The following ATP12A variants were observed in gnomAD, a reference collection of about 807,000 sequenced individuals.
ATP12A encodes the protein ATPase H+/K+ transporting non-gastric alpha2 subunit, also known as potassium-transporting ATPase alpha chain 2.
A neutral mutation model predicts 111.2 loss-of-function variants in ATP12A; 81 were observed. That is an observed-to-expected ratio of 0.73 (90% CI 0.61 to 0.88). The LOEUF (loss-of-function observed/expected upper bound fraction) is 0.88, where lower values mean the gene tolerates loss of function less well. Among genes scored for constraint, ATP12A ranks in the 40% least tolerant of loss-of-function variants. The probability of loss-of-function intolerance (pLI) is 0.00; values close to 1 mark genes in which losing one functional copy is unlikely to be tolerated. For missense variants in ATP12A, 1,196 were observed against 1,313.1 expected, an observed-to-expected ratio of 0.91 and a Z score of 1.38; for synonymous variants, 498 against 499.8, an observed-to-expected ratio of 1.00 and a Z score of 0.05.
intron 5 of ATP12A, among the ~76,000 whole-genome samples, chr13:24,689,689 A>T (rs534398898): frequency 6.6e-6 from 1 of 152,296 alleles, no homozygotes; most frequent in East Asian, 1.9e-4. Flanking sequence ...CTGGCAGCCA[A>T]GGAGACCAGC....
intron 13 of ATP12A, among the ~76,000 whole-genome samples, 157 bp from the exon 14 acceptor site, chr13:24,701,778 T>A (rs1217152738): frequency 6.6e-6 from 1 of 152,172 alleles, no homozygotes; most frequent in Non-Finnish European, 1.5e-5. Context: ...GATTAGTGTT[T>A]CCTCCAAAGA....
chr13:24,692,702 G>A (rs1593135628), intron 9 of ATP12A, 75 bp downstream of exon 9: 2 of 1,598,324 alleles, frequency 1.3e-6, no homozygotes, highest in South Asian at 1.1e-5. Flanking sequence ...ACACAGCAGG[G>A]TCTGCAGCCA....
In ATP12A at chr13:24,700,917, A is replaced by C. The variant is rs759444596; in HGVS notation, c.1876A>C (p.Ile626Leu). Reference sequence around the variant, plus strand: ...AGTCACCAAATGCCGGAGTGCAGGGATCAAGGTGGGAGTTATTTTCCTGAC... The same window carrying C: ...AGTCACCAAATGCCGGAGTGCAGGGCTCAAGGTGGGAGTTATTTTCCTGAC... ...DAVTKCRSAG[I>L]KVIMVTGDHP... The change falls in exon 13 of 23, where the codon ATC becomes CTC. Residue 626 changes from isoleucine (I) to leucine (L), a missense_variant. Transcript: ENST00000381946. 1 of 1,613,528 alleles carries C rather than the reference A, an allele frequency of 6.2e-7. No individual in the cohort carries two copies. Among genetic ancestry groups the C allele is most frequent in the Non-Finnish European group, 8.5e-7 (1 of 1,179,742 alleles).
chr13:24,711,686 C>T lies in ATP12A; in HGVS notation c.*164C>T. 1.1e-6 allele frequency: 1 copy of T among 871,772 alleles called. No individual in the cohort carries two copies. The highest frequency in any genetic ancestry group is 1.7e-6 in the Non-Finnish European group (1 of 571,870). 54.0% of individuals were successfully genotyped at this position (871,772 alleles called of 1,614,324 possible). On this transcript the variant is annotated 3_prime_UTR_variant, in exon 23 of 23. Coordinates refer to ENST00000381946, the MANE Select transcript of ATP12A (RefSeq NM_001676.7). ...ATGCAGGATGCTCACTGATGTTTTG[C>T]ACTTTAAAACTGAAATTCAACTCTT...
intron 13 of ATP12A, among the ~76,000 whole-genome samples, chr13:24,701,501 C>CAAAA (rs10586421): frequency 3.7e-4 from 37 of 100,854 alleles, no homozygotes; most frequent in Non-Finnish European, 5.5e-4. Flanking sequence ...AACTCTGTCT[C>CAAAA]AAAAAAAAAA....
Position 24,688,353 on chromosome 13 carries a change from C to A in ATP12A, c.263C>A (p.Ala88Asp), listed in dbSNP as rs759218703. The A allele has an allele frequency of 6.2e-7, 1 of 1,613,930 alleles. No homozygotes were observed. Among genetic ancestry groups the A allele is most frequent in the South Asian group, 1.1e-5 (1 of 91,018 alleles). The change falls in exon 4 of 23, where the codon GCC (alanine) becomes GAC (aspartate). Residue 88 changes from alanine to aspartate, a missense_variant. Ala to Asp is a moderately radical substitution (Grantham distance 126, BLOSUM62 -2). This residue lies in a region of ATP12A where 1,126 missense variants were observed against 1,228.5 expected (regional missense o/e 0.92). Coordinates refer to ENST00000381946, the MANE Select transcript of ATP12A (RefSeq NM_001676.7). The part of the protein sequence containing the change: ...LSSTRAAELL[A>D]RDGPNSLTPP... ...AGCACCAGAGCTGCCGAGCTCCTGG[C>A]CCGGGATGGGCCCAACTCCCTCACC...
Position 24,702,028 on chromosome 13 carries a change from A to C in ATP12A, c.1975A>C (p.Ile659Leu). 6.2e-7 allele frequency: 1 copy of C among 1,614,254 alleles called. No homozygotes were observed. Among genetic ancestry groups the C allele is most frequent in the Non-Finnish European group, 8.5e-7 (1 of 1,180,050 alleles). Reference sequence around the variant, plus strand: ...AGCCAACAGTGAAACAGTGGAAGACATTGCACATCGCCTCAACATTGCTGT... The same window carrying C: ...AGCCAACAGTGAAACAGTGGAAGACCTTGCACATCGCCTCAACATTGCTGT... Reference protein sequence around the residue: ...ISANSETVEDIAHRLNIAVEQ... With the variant: ...ISANSETVEDLAHRLNIAVEQ... The change falls in exon 14 of 23, where the codon ATT (isoleucine) becomes CTT (leucine). Residue 659 changes from isoleucine (I) to leucine (L), a missense_variant. Physicochemically the swap from Ile to Leu is conservative, Grantham distance 5 (BLOSUM62 2). This residue lies in a region of ATP12A where 1,126 missense variants were observed against 1,228.5 expected (regional missense o/e 0.92). Coordinates refer to ENST00000381946, the MANE Select transcript of ATP12A (RefSeq NM_001676.7).
chr13:24,696,718 CAAAAAAAAAAAA>C (rs1199522203), intron 11 of ATP12A, among the ~76,000 whole-genome samples: 4,517 of 33,050 alleles, frequency 0.14, 839 homozygotes, highest in East Asian at 0.68. Flanking sequence ...GACTCCGTCT[CAAAAAAAAAAAA>C]AAAAAAAAAA....
chr13:24,698,249 G>A (rs936726900), intron 11 of ATP12A, among the ~76,000 whole-genome samples: 5 of 151,972 alleles, frequency 3.3e-5, no homozygotes, highest in African/African-American at 1.2e-4. Context: ...AATTCCTGTC[G>A]CCTCCTCCCC....
At position 24,683,859 on chromosome 13, in the gene ATP12A, A is replaced by T. The variant is rs534168226; in HGVS notation, c.169-1455A>T. ...AAGACATATCTGTTTTTCCCTTGACATTACAAGGGTCCTGTAATTTTCAGC... is the reference window on the plus strand; with the variant it reads ...AAGACATATCTGTTTTTCCCTTGACTTTACAAGGGTCCTGTAATTTTCAGC... On this transcript the variant is annotated intron_variant, in intron 2 of 22. Coordinates refer to ENST00000381946, the MANE Select transcript of ATP12A (RefSeq NM_001676.7). Among the ~76,000 whole-genome samples the T allele has an allele frequency of 1.1e-4, 16 of 152,298 alleles. No individual in the cohort carries two copies. In the East Asian group the frequency reaches 3.1e-3, roughly 29 times the overall value.
At chr13:24,693,724 T>A (rs1875008811) in intron 10 of ATP12A, among the ~76,000 whole-genome samples, 1 of 152,276 alleles carries the variant, frequency 6.6e-6, no homozygotes, top group Admixed American at 6.5e-5. Context: ...ACCATTCTAT[T>A]TGTCATTGGA....
chr13:24,710,189 G>A (rs537158184), intron 19 of ATP12A, among the ~76,000 whole-genome samples: 1 of 152,316 alleles, frequency 6.6e-6, no homozygotes, highest in South Asian at 2.1e-4. Flanking sequence ...AGAATCACTT[G>A]AGCCCAGGAG....
At position 24,700,904 on chromosome 13, in the gene ATP12A, C is replaced by A. The variant is rs1357644932; in HGVS notation, c.1863C>A (p.Cys621Ter). 6.2e-7 allele frequency: 1 copy of A among 1,614,116 alleles called. No homozygotes were observed. The highest frequency in any genetic ancestry group is 1.1e-5 in the South Asian group (1 of 91,060). ...CCGTGCCAGATGCAGTCACCAAATG[C>A]CGGAGTGCAGGGATCAAGGTGGGAG... ...RSTVPDAVTK[C>*]RSAGIKVIMV... Residue 621 changes from cysteine to a stop codon, truncating the protein, a stop_gained, in exon 13 of 23, where the codon TGC (cysteine) becomes TGA (stop). Transcript: ENST00000381946. LOFTEE classifies it high-confidence loss of function.
chr13:24,689,204 A>G, intron 4 of ATP12A, 58 bp from the exon 5 acceptor site: 1 of 1,370,816 alleles, frequency 7.3e-7, no homozygotes, highest in South Asian at 1.2e-5. Flanking sequence ...CTCTAGCCCC[A>G]GGGCCCGGCT....
chr13:24,690,927 T>C (rs1874868744), intron 7 of ATP12A, 55 bp from the exon 8 acceptor site: 2 of 1,602,988 alleles, frequency 1.2e-6, no homozygotes, highest in Non-Finnish European at 1.7e-6. Flanking sequence ...GCAAGCTGGC[T>C]GCACACCCCT....
At chr13:24,710,997 C>A in intron 21 of ATP12A, 104 bp downstream of exon 21, 1 of 1,020,342 alleles carries the variant, frequency 9.8e-7, no homozygotes, top group Non-Finnish European at 1.5e-6. Context: ...CCAAGTCTTT[C>A]AAAAGACGTC....
At chr13:24,690,936 C>T (rs761488616) in intron 7 of ATP12A, 46 bp from the exon 8 acceptor site, 3 of 1,608,532 alleles carry the variant, frequency 1.9e-6, no homozygotes, top group Non-Finnish European at 2.6e-6. Context: ...CTGCACACCC[C>T]TCCTGGCTGA....
At chr13:24,689,495 C>A (rs1021485451) in intron 5 of ATP12A, 120 bp downstream of exon 5, 2 of 828,514 alleles carry the variant, frequency 2.4e-6, no homozygotes, top group Non-Finnish European at 3.9e-6. Context: ...TCGGAGCAAT[C>A]GTGGGCGAAT....
Position 24,707,985 on chromosome 13 carries a change from C to CA in ATP12A, c.2493+564dup, listed in dbSNP as rs67478305. Among the ~76,000 whole-genome samples the CA allele has an allele frequency of 3.5e-3, 495 of 143,256 alleles. 1 individual carries two copies. The highest frequency in any genetic ancestry group is 8.7e-3 in the African/African-American group (342 of 39,282). 94.0% of individuals were successfully genotyped at this position (143,256 alleles called of 152,430 possible). On this transcript the variant is annotated intron_variant, in intron 17 of 22. Coordinates refer to ENST00000381946, the MANE Select transcript of ATP12A (RefSeq NM_001676.7). ...TTTTCAAGACATGAGTCTTCATCCT[C>CA]AAAAAAAAAAAAGAAATGCCATTGG...
Sources: gnomAD v4.1 joint callset for allele counts (sites outside exome capture counted in the v4.1 genomes callset) on GRCh38, gnomAD v4.1.1 for gene constraint, gnomAD v4.1.1 regional missense constraint, MANE v1.5 for transcripts, NCBI Gene and HGNC (gene_info 2026-07-23, HGNC 2026-07-21) for gene names.